Variants in USP4 observed in about 807,000 individuals in gnomAD.
USP4 encodes the protein ubiquitin specific peptidase 4, also known as ubiquitin carboxyl-terminal hydrolase 4.
In USP4, 72 loss-of-function variants were observed where a neutral mutation model predicts 118.2. That is an observed-to-expected ratio of 0.61 (90% CI 0.50 to 0.74). USP4 has a LOEUF of 0.74. Among genes scored for constraint, USP4 ranks in the 30% least tolerant of loss-of-function variants. The pLI is 0.00. For missense variants in USP4, 1,037 were observed against 1,185.7 expected (o/e 0.87, Z 1.84); for synonymous variants, 415 against 440.4 (o/e 0.94, Z 0.72).
At position 49,284,462 on chromosome 3, in the gene USP4, G is replaced by A. The variant is rs563198209; in HGVS notation, c.2390+4C>T. On this transcript the variant is annotated splice_donor_region_variant and intron_variant, in intron 18 of 21. Coordinates refer to ENST00000265560, the MANE Select transcript of USP4 (RefSeq NM_003363.4). ...CTCTGCCCAGACAGTGAGGAGCTGC[G>A]TACCAGGGGTCATGCTCCCCAAGGG... 8.7e-6 allele frequency: 14 copies of A among 1,610,600 alleles called. No homozygotes were observed. The highest frequency in any genetic ancestry group is 6.6e-5 in the South Asian group (6 of 90,998).
chr3:49,324,812 C>T, intron 5 of USP4, 49 bp from the exon 6 acceptor site: 2 of 1,613,676 alleles, frequency 1.2e-6, no homozygotes, highest in Non-Finnish European at 1.7e-6. Flanking sequence ...CACCGCACTT[C>T]CAACATGCTT....
rs371188850 is a variant in USP4, at chr3:49,286,434, A to C, written c.1973-109T>G. 23 of 1,104,940 alleles carry C rather than the reference A, an allele frequency of 2.1e-5. No individual in the cohort carries two copies. The African/African-American group carries it at 2.2e-4, about 11-fold the overall frequency. 68.4% of individuals were successfully genotyped at this position (1,104,940 alleles called of 1,614,324 possible). ...TTTCCTTCCAGATTTTGTTCTGTGT[A>C]TATGAAGTTAAATCTATTCCTTTGC... is the stretch of plus-strand genomic sequence containing the variant. On this transcript the variant is annotated intron_variant, in intron 15 of 21. Transcript: ENST00000265560.
chr3:49,294,727 C>A (rs1449507599), intron 13 of USP4, 129 bp from the exon 14 acceptor site: 2 of 880,196 alleles, frequency 2.3e-6, no homozygotes, highest in Non-Finnish European at 3.4e-6. Context: ...GAAAAGGTGG[C>A]TATAACTATT....
At chr3:49,302,302 A>G (rs1381050316) in intron 10 of USP4, 82 bp downstream of exon 10, 12 of 1,504,022 alleles carry the variant, frequency 8.0e-6, no homozygotes, top group Non-Finnish European at 1.1e-5. Flanking sequence ...ACAACACTCA[A>G]AGACCAGAAG....
chr3:49,310,334 C>T (rs934247248), intron 8 of USP4, among the ~76,000 whole-genome samples: 6 of 152,138 alleles, frequency 3.9e-5, no homozygotes, highest in Admixed American at 3.9e-4. Flanking sequence ...ATCAGGGATG[C>T]ACTCCAATAT....
rs1559476048 is a variant in USP4 at position 49,317,582 on chromosome 3, C to A, written c.696-5928G>T. 1.8e-5 allele frequency: 11 copies of A among 601,116 alleles called. No individual in the cohort carries two copies. In the South Asian group the frequency reaches 2.1e-4, roughly 11 times the overall value. 37.2% of individuals were successfully genotyped at this position (601,116 alleles called of 1,614,324 possible). A position where few individuals can be genotyped will look rare whatever the true frequency, so the allele number is the denominator to read the frequency against. On this transcript the variant is annotated intron_variant, in intron 6 of 21. Coordinates refer to ENST00000265560, the MANE Select transcript of USP4 (RefSeq NM_003363.4). ...TTGAGACAACAGTCTTACTCTGTTG[C>A]CCAGCCTGGAGTGCAGTGGCGTGAT...
chr3:49,292,503 T>G lies in USP4; in HGVS notation c.1972+7A>C. 1.3e-6 allele frequency: 2 copies of G among 1,557,702 alleles called. No homozygotes were observed. The highest frequency in any genetic ancestry group is 1.7e-6 in the Non-Finnish European group (2 of 1,150,230). The stretch of plus-strand genomic sequence containing the variant: ...AGTCACAGCCACAGAGCATGGTGCA[T>G]ACTCACCTTCACAGCTGTTCCTGGA... On this transcript the variant is annotated splice_region_variant and intron_variant, in intron 15 of 21. Transcript: ENST00000265560.
intron 2 of USP4, among the ~76,000 whole-genome samples, chr3:49,330,477 G>A (rs1342663921): frequency 6.6e-6 from 1 of 151,618 alleles, no homozygotes; most frequent in Non-Finnish European, 1.5e-5. Flanking sequence ...ACAGGCACCC[G>A]CCACCACACC....
At position 49,277,720 on chromosome 3, in the gene USP4, T is replaced by C. The variant is rs1306435245; in HGVS notation, c.*573A>G. 1 of 160,416 alleles carries C rather than the reference T, an allele frequency of 6.2e-6. No homozygotes were observed. The highest frequency in any genetic ancestry group is 2.4e-5 in the African/African-American group (1 of 41,770). The allele number at this position is 160,416 out of a possible 1,614,324, so 9.9% of individuals were successfully genotyped here. A position where few individuals can be genotyped will look rare whatever the true frequency, so the allele number is the denominator to read the frequency against. On this transcript the variant is annotated 3_prime_UTR_variant, in exon 22 of 22. Coordinates refer to ENST00000265560, the MANE Select transcript of USP4 (RefSeq NM_003363.4). Reference sequence around the variant, plus strand: ...GTTGAGGGGCCAGGATCCCCAACACTAGATATCTTCCTTAGCGGGGAGAAA... The same window carrying C: ...GTTGAGGGGCCAGGATCCCCAACACCAGATATCTTCCTTAGCGGGGAGAAA...
Position 49,284,511 on chromosome 3 carries a change from A to G in USP4, c.2345T>C (p.Ile782Thr). The stretch of plus-strand genomic sequence containing the variant: ...GGTCTCCATGGTGGTGAAGAGCTCG[A>G]TGCAGTCTCTCAGGGCCACTGTGGT... ...KKTTVALRDC[I>T]ELFTTMETLG... The change falls in exon 18 of 22, where the codon ATC (isoleucine) becomes ACC (threonine). Residue 782 changes from isoleucine to threonine, a missense_variant. Around this residue, in one of 3 missense-constraint regions of USP4, gnomAD observed 522 missense variants for 592.6 expected, o/e 0.88. Transcript: ENST00000265560. The G allele has an allele frequency of 1.9e-6, 3 of 1,614,066 alleles. No homozygotes were observed. Among genetic ancestry groups the G allele is most frequent in the African/African-American group, 1.3e-5 (1 of 75,032 alleles).
chr3:49,300,328 C>T lies in USP4; in HGVS notation c.1512+139G>A, dbSNP rs1271037346. On this transcript the variant is annotated intron_variant, in intron 11 of 21. Coordinates refer to ENST00000265560, the MANE Select transcript of USP4 (RefSeq NM_003363.4). ...AAATGATATGGGATTAGACAAAGGT[C>T]TGATGGAGGCCAAGGGCCCATACCC... is the stretch of plus-strand genomic sequence containing the variant. The T allele has an allele frequency of 8.8e-6, 6 of 679,746 alleles. No homozygotes were observed. In the Admixed American group the frequency reaches 1.4e-4, roughly 16 times the overall value. 42.1% of individuals were successfully genotyped at this position (679,746 alleles called of 1,614,324 possible).
intron 6 of USP4, chr3:49,316,746 C>A: frequency 2.6e-6 from 1 of 381,750 alleles, no homozygotes; most frequent in Non-Finnish European, 4.8e-6. Context: ...CCCCTGCCCC[C>A]TGCCCTGGGC....
At chr3:49,299,097 C>CT (rs1041175162) in intron 11 of USP4, among the ~76,000 whole-genome samples, 14 of 150,876 alleles carry the variant, frequency 9.3e-5, no homozygotes, top group African/African-American at 3.4e-4. Flanking sequence ...TTTCTTTTTT[C>CT]TTTTTTTTCT....
At chr3:49,336,165 CTTTTT>C (rs34604530) in intron 1 of USP4, among the ~76,000 whole-genome samples, 2 of 83,000 alleles carry the variant, frequency 2.4e-5, no homozygotes, top group East Asian at 4.0e-4. Context: ...CACCTGGCCT[CTTTTT>C]TTTTTTTTTT....
chr3:49,310,773 G>A (rs367715565), intron 7 of USP4, 36 bp from the exon 8 acceptor site: 5 of 1,523,490 alleles, frequency 3.3e-6, no homozygotes, highest in Non-Finnish European at 4.6e-6. Flanking sequence ...ATAAAAGCAA[G>A]TGCATAACAC....
At chr3:49,306,432 ACCT>A (rs1313143614) in intron 8 of USP4, among the ~76,000 whole-genome samples, 2 of 151,814 alleles carry the variant, frequency 1.3e-5, no homozygotes, top group Admixed American at 6.6e-5. Context: ...CAAACTCCTG[ACCT>A]CAGATGATCC....
chr3:49,315,902 T>C (rs1318442045), intron 6 of USP4, among the ~76,000 whole-genome samples: 1 of 152,134 alleles, frequency 6.6e-6, no homozygotes. Flanking sequence ...AGGATGAATC[T>C]ATCCTATCCT....
rs1440798548 is a variant in USP4 at position 49,317,993 on chromosome 3, G to A, written c.696-6339C>T. Among the ~76,000 whole-genome samples, 8 of 150,612 alleles carry A rather than the reference G, an allele frequency of 5.3e-5. No homozygotes were observed. The South Asian group carries it at 8.4e-4, about 16-fold the overall frequency. The stretch of plus-strand genomic sequence containing the variant: ...TGGGATTACAGGCACACGCCACCAC[G>A]CCTGGCTAATTTTTGCATTTTTAGT... On this transcript the variant is annotated intron_variant, in intron 6 of 21. Coordinates refer to ENST00000265560, the MANE Select transcript of USP4 (RefSeq NM_003363.4).
chr3:49,307,072 G>A (rs778011597), intron 8 of USP4, among the ~76,000 whole-genome samples: 11 of 151,976 alleles, frequency 7.2e-5, no homozygotes, highest in South Asian at 2.1e-4. Context: ...GCGCCCAGCC[G>A]GAAAATAATT....
Sources: gnomAD v4.1 joint callset for allele counts (sites outside exome capture counted in the v4.1 genomes callset) on GRCh38, gnomAD v4.1.1 for gene constraint, gnomAD v4.1.1 regional missense constraint, MANE v1.5 for transcripts, NCBI Gene and HGNC (gene_info 2026-07-23, HGNC 2026-07-21) for gene names.